Variants in GOLPH3L observed in about 807,000 individuals in gnomAD.
GOLPH3L encodes Golgi phosphoprotein 3-like.
A neutral mutation model predicts 30.3 loss-of-function variants in GOLPH3L; 22 were observed. That is an observed-to-expected ratio of 0.73 (90% CI 0.52 to 1.04). The LOEUF (loss-of-function observed/expected upper bound fraction) is 1.04. GOLPH3L is among the 50% of genes least tolerant of loss of function. The probability of loss-of-function intolerance (pLI) is 0.00; values close to 1 mark genes in which losing one functional copy is unlikely to be tolerated. For missense variants in GOLPH3L, 303 were observed against 345.8 expected (o/e 0.88, Z 0.98); for synonymous variants, 120 against 128.2 (o/e 0.94, Z 0.43).
At chr1:150,663,287 G>A (rs1025375651) in intron 3 of GOLPH3L, among the ~76,000 whole-genome samples, 3 of 151,922 alleles carry the variant, frequency 2.0e-5, no homozygotes, top group East Asian at 3.9e-4. Context: ...TGATCCGCCC[G>A]CCTCGGCCTC....
intron 4 of GOLPH3L, among the ~76,000 whole-genome samples, chr1:150,655,873 T>A (rs1433527007): frequency 6.6e-6 from 1 of 152,224 alleles, no homozygotes; most frequent in Non-Finnish European, 1.5e-5. Flanking sequence ...ACTACAATTC[T>A]AAAAATTCGC....
chr1:150,688,401 CT>C (rs138548118), intron 2 of GOLPH3L, among the ~76,000 whole-genome samples: 11,266 of 152,158 alleles, frequency 0.074, 590 homozygotes, highest in East Asian at 0.18. Context: ...AGTTGATGTT[CT>C]TTTTTCCTAG....
intron 2 of GOLPH3L, among the ~76,000 whole-genome samples, chr1:150,671,112 C>T (rs899969158): frequency 2.0e-5 from 3 of 151,784 alleles, no homozygotes; most frequent in Non-Finnish European, 4.4e-5. Flanking sequence ...CATGGTGGCC[C>T]GTGCCTGTAA....
At position 150,648,672 on chromosome 1, in the gene GOLPH3L, C is replaced by G. The variant is rs138645525; in HGVS notation, c.507G>C (p.Glu169Asp). ...GCTTCTCAGTGGTTAGAATACCTTT[C>G]TCTACTAGGTTCTTTGCGATGCGCT... Reference protein sequence around the residue: ...VRERIAKNLVEKGILTTEKQN... With the variant: ...VRERIAKNLVDKGILTTEKQN... Residue 169 changes from glutamate (E) to aspartate (D), a missense_variant, in exon 5 of 5, where the codon GAG (glutamate) becomes GAC (aspartate). Glu to Asp is a conservative substitution (Grantham distance 45). Coordinates refer to ENST00000271732, the MANE Select transcript of GOLPH3L (RefSeq NM_018178.6). 3.1e-6 allele frequency: 5 copies of G among 1,612,382 alleles called. No homozygotes were observed. In the African/African-American group the frequency reaches 6.7e-5, roughly 22 times the overall value.
intron 4 of GOLPH3L, among the ~76,000 whole-genome samples, chr1:150,656,593 C>T (rs1351701364): frequency 6.6e-6 from 1 of 152,100 alleles, no homozygotes. Context: ...TGTTATTGTC[C>T]AAGAGCAGGA....
At chr1:150,694,424 G>GT (rs2101825291) in intron 2 of GOLPH3L, 1 of 411,056 alleles carries the variant, frequency 2.4e-6, no homozygotes, top group East Asian at 4.4e-5. Context: ...CTCCTCTCCT[G>GT]TATCTTCTAA....
intron 4 of GOLPH3L, among the ~76,000 whole-genome samples, chr1:150,657,764 A>G (rs929893190): frequency 6.6e-6 from 1 of 152,234 alleles, no homozygotes; most frequent in Non-Finnish European, 1.5e-5. Flanking sequence ...GACAAGCCAC[A>G]GTGGAAAGAA....
intron 4 of GOLPH3L, among the ~76,000 whole-genome samples, chr1:150,659,445 C>G (rs1468256200): frequency 1.3e-5 from 2 of 152,192 alleles, no homozygotes; most frequent in African/African-American, 2.4e-5. Flanking sequence ...GAGATCCGTG[C>G]CTTAAGGACA....
At chr1:150,677,261 G>C (rs949309479) in intron 2 of GOLPH3L, among the ~76,000 whole-genome samples, 1 of 151,444 alleles carries the variant, frequency 6.6e-6, no homozygotes, top group African/African-American at 2.4e-5. Flanking sequence ...TTTTGAGACA[G>C]AGTCTCGCTC....
In GOLPH3L at chr1:150,646,376, A is replaced by G. The variant is rs1649979485; in HGVS notation, c.*1945T>C. On this transcript the variant is annotated 3_prime_UTR_variant, in exon 5 of 5. Transcript: ENST00000271732. ...AAAAATAAACACTAAGAGTTGCAAG[A>G]AAGAACTCAATTCAACTTCTATCTC... 1 of 152,248 alleles carries G rather than the reference A, an allele frequency of 6.6e-6. No individual in the cohort carries two copies. Among genetic ancestry groups the G allele is most frequent in the South Asian group, 2.1e-4 (1 of 4,834 alleles). The allele number at this position is 152,248 out of a possible 1,614,324, so 9.4% of individuals were successfully genotyped here.
Position 150,646,808 on chromosome 1 carries a change from T to A in GOLPH3L, c.*1513A>T, listed in dbSNP as rs747326432. On this transcript the variant is annotated 3_prime_UTR_variant, in exon 5 of 5. Transcript: ENST00000271732. ...CAAGAAGCACTATCCCATTAAAGTA[T>A]AATAAATGCTGAACATCAGCACAGC... The A allele has an allele frequency of 5.3e-5, 8 of 152,348 alleles. No homozygotes were observed. Among genetic ancestry groups the A allele is most frequent in the African/African-American group, 1.9e-4 (8 of 41,592 alleles). The allele number at this position is 152,348 out of a possible 1,614,324, so 9.4% of individuals were successfully genotyped here.
chr1:150,671,977 AAAT>A (rs951253335), intron 2 of GOLPH3L, among the ~76,000 whole-genome samples: 6 of 152,128 alleles, frequency 3.9e-5, no homozygotes, highest in African/African-American at 7.2e-5. Context: ...CAATGATATA[AAAT>A]AATGTCTACA....
intron 4 of GOLPH3L, among the ~76,000 whole-genome samples, chr1:150,650,856 T>C (rs1346397754): frequency 6.6e-6 from 1 of 152,194 alleles, no homozygotes; most frequent in East Asian, 1.9e-4. Context: ...TGTGACCCAT[T>C]GACCCATTCA....
At chr1:150,655,188 G>A (rs1403129036) in intron 4 of GOLPH3L, among the ~76,000 whole-genome samples, 1 of 152,164 alleles carries the variant, frequency 6.6e-6, no homozygotes, top group Non-Finnish European at 1.5e-5. Context: ...GGTAGCTATA[G>A]GAGCAGACAT....
intron 2 of GOLPH3L, among the ~76,000 whole-genome samples, chr1:150,673,283 G>T (rs993967460): frequency 2.0e-5 from 3 of 152,174 alleles, no homozygotes; most frequent in Non-Finnish European, 2.9e-5. Flanking sequence ...CGGAAGAAAA[G>T]CCAGGCGCGG....
Position 150,655,750 on chromosome 1 carries a change from C to T in GOLPH3L, c.430+6064G>A, listed in dbSNP as rs587627641. On this transcript the variant is annotated intron_variant, in intron 4 of 4. Transcript: ENST00000271732. ...CCAACATTTTCCTCTTGGAATTCTC[C>T]AGTTTTCGCAATTAAGAAAAAATCA... is the stretch of plus-strand genomic sequence containing the variant. Among the ~76,000 whole-genome samples the T allele has an allele frequency of 2.0e-4, 30 of 152,274 alleles. No individual in the cohort carries two copies. In the South Asian group the frequency reaches 6.2e-3, roughly 32 times the overall value.
intron 2 of GOLPH3L, among the ~76,000 whole-genome samples, chr1:150,685,874 CTTT>C (rs35375244): frequency 9.9e-5 from 12 of 121,008 alleles, no homozygotes; most frequent in Non-Finnish European, 1.0e-4. Flanking sequence ...GTAAGTATGT[CTTT>C]TTTTTTTTTT....
At chr1:150,666,959 T>A (rs953920515) in intron 2 of GOLPH3L, among the ~76,000 whole-genome samples, 2 of 152,148 alleles carry the variant, frequency 1.3e-5, no homozygotes, top group African/African-American at 4.8e-5. Flanking sequence ...GTTTTGTGAA[T>A]TTACGAGATT....
chr1:150,657,052 C>G (rs1650254924), intron 4 of GOLPH3L, among the ~76,000 whole-genome samples: 1 of 152,158 alleles, frequency 6.6e-6, no homozygotes, highest in Non-Finnish European at 1.5e-5. Flanking sequence ...GTACTGACTG[C>G]TTTTAATATG....
Sources: gnomAD v4.1 joint callset for allele counts (sites outside exome capture counted in the v4.1 genomes callset) on GRCh38, gnomAD v4.1.1 for gene constraint, MANE v1.5 for transcripts, NCBI Gene and HGNC (gene_info 2026-07-23, HGNC 2026-07-21) for gene names.